Variants in CRABP2 observed in about 807,000 individuals in gnomAD.
CRABP2 encodes the protein cellular retinoic acid-binding protein 2.
A neutral mutation model predicts 17.9 loss-of-function variants in CRABP2; 20 were observed. The ratio of observed to expected loss-of-function variants is 1.12; its 90% CI spans 0.79 to 1.63. CRABP2 has a LOEUF of 1.63. Ranked by LOEUF, CRABP2 falls within the 40% of genes most tolerant of loss-of-function variation. The pLI is 0.00. For synonymous variants in CRABP2, 76 were observed against 66.4 expected (o/e 1.14, Z -0.70); for missense variants, 151 against 168.6 (o/e 0.90, Z 0.58).
intron 1 of CRABP2, among the ~76,000 whole-genome samples, chr1:156,704,286 C>T (rs1418412871): frequency 6.6e-6 from 1 of 152,192 alleles, no homozygotes; most frequent in Non-Finnish European, 1.5e-5. Context: ...CTGCAGCATT[C>T]CAGACCTGTC....
chr1:156,700,144 T>G, intron 3 of CRABP2, 68 bp from the exon 4 acceptor site: 1 of 1,512,934 alleles, frequency 6.6e-7, no homozygotes, highest in Non-Finnish European at 9.1e-7. Flanking sequence ...AGAGGAGGGT[T>G]GAATGGAGGT....
In CRABP2 at chr1:156,705,406, T is replaced by G; in HGVS notation, c.41A>C (p.Glu14Ala). The G allele has an allele frequency of 6.2e-7, 1 of 1,614,158 alleles. No homozygotes were observed. Among genetic ancestry groups the G allele is most frequent in the Non-Finnish European group, 8.5e-7 (1 of 1,180,018 alleles). Residue 14 changes from glutamate to alanine, a missense_variant, in exon 1 of 4, where the codon GAA (glutamate) becomes GCA (alanine). By Grantham distance (107) the Glu-to-Ala change is moderately radical. Transcript: ENST00000368222. This position sits in a 1 kb window ranked among gnomAD's most constrained non-coding sequence, Gnocchi z 5.2. ...FSGNWKIIRS[E>A]NFEELLKVLG... Reference sequence around the variant, plus strand: ...CACTTTGAGCAATTCCTCGAAGTTTTCCGATCGGATGATTTTCCAGTTGCC... The same window carrying G: ...CACTTTGAGCAATTCCTCGAAGTTTGCCGATCGGATGATTTTCCAGTTGCC...
Position 156,701,050 on chromosome 1 carries a change from C to T in CRABP2, c.73G>A (p.Val25Met), listed in dbSNP as rs1284224177. ...NFEELLKVLG[V>M]NVMLRKIAVA... ...GCAATCTTCCTCAGCATCACATTCA[C>T]CCCTGTGGGGAGAGAGGAGAGGCTC... Residue 25 changes from valine (V) to methionine (M), a missense_variant and splice_region_variant, in exon 2 of 4, where the codon GTG (valine) becomes ATG (methionine). By Grantham distance (21) the Val-to-Met change is conservative. Transcript: ENST00000368222. The T allele has an allele frequency of 1.2e-6, 2 of 1,613,948 alleles. No individual in the cohort carries two copies. Among genetic ancestry groups the T allele is most frequent in the African/African-American group, 1.3e-5 (1 of 75,050 alleles).
At chr1:156,704,772 G>C (rs1271563041) in intron 1 of CRABP2, among the ~76,000 whole-genome samples, 1 of 151,718 alleles carries the variant, frequency 6.6e-6, no homozygotes, top group Non-Finnish European at 1.5e-5. Context: ...GCTGCTCGCT[G>C]TATGAAAATA....
rs200159911 is a variant in CRABP2, at chr1:156,705,341, C to T, written c.70+36G>A. ...CCAACTTCGAGGACTCCAGAGCCCCCCCTTGCCCCACCTGGGCCCTCGAAC... is the reference window on the plus strand; with the variant it reads ...CCAACTTCGAGGACTCCAGAGCCCCTCCTTGCCCCACCTGGGCCCTCGAAC... On this transcript the variant is annotated intron_variant, in intron 1 of 3. Coordinates refer to ENST00000368222, the MANE Select transcript of CRABP2 (RefSeq NM_001878.4). This position sits in a 1 kb window ranked among gnomAD's most constrained non-coding sequence, Gnocchi z 5.2. 15 of 1,610,944 alleles carry T rather than the reference C, an allele frequency of 9.3e-6. No homozygotes were observed. The highest frequency in any genetic ancestry group is 1.3e-5 in the Non-Finnish European group (15 of 1,177,146).
In CRABP2 at chr1:156,705,257, G is replaced by C. The variant is rs890637218; in HGVS notation, c.70+120C>G. On this transcript the variant is annotated intron_variant, in intron 1 of 3. Coordinates refer to ENST00000368222, the MANE Select transcript of CRABP2 (RefSeq NM_001878.4). The surrounding 1 kb of genome is among the most constrained non-coding windows in gnomAD (Gnocchi z 5.2). The stretch of plus-strand genomic sequence containing the variant: ...GACCCGGACGCCTGGCACGTTTTTC[G>C]GGGATGCAGGCACCCAGTGTCTCAC... The C allele has an allele frequency of 2.7e-5, 30 of 1,107,124 alleles. No individual in the cohort carries two copies. Among genetic ancestry groups the C allele is most frequent in the Non-Finnish European group, 4.1e-5 (30 of 736,720 alleles). 68.6% of individuals were successfully genotyped at this position (1,107,124 alleles called of 1,614,324 possible). A position where few individuals can be genotyped will look rare whatever the true frequency, so the allele number is the denominator to read the frequency against.
chr1:156,703,789 G>A (rs1648109218), intron 1 of CRABP2, among the ~76,000 whole-genome samples: 1 of 152,228 alleles, frequency 6.6e-6, no homozygotes, highest in African/African-American at 2.4e-5. Context: ...TAAGAGGGGT[G>A]TGCCAGGACC....
upstream of CRABP2, chr1:156,705,628 C>T: frequency 5.1e-6 from 3 of 587,020 alleles, no homozygotes; most frequent in Non-Finnish European, 5.9e-6. The surrounding 1 kb of genome is among the most constrained non-coding windows in gnomAD (Gnocchi z 5.2). Flanking sequence ...TGTACGGAAC[C>T]GCCCCTGCCC....
Position 156,701,062 on chromosome 1 carries a change from G to T in CRABP2, c.71-10C>A. The T allele has an allele frequency of 6.2e-7, 1 of 1,613,240 alleles. No homozygotes were observed. Among genetic ancestry groups the T allele is most frequent in the Non-Finnish European group, 8.5e-7 (1 of 1,179,520 alleles). ...AGCATCACATTCACCCCTGTGGGGA[G>T]AGAGGAGAGGCTCACCTTTTAGGGG... On this transcript the variant is annotated splice_polypyrimidine_tract_variant and intron_variant, in intron 1 of 3. Transcript: ENST00000368222.
chr1:156,705,337 C>A lies in CRABP2; in HGVS notation c.70+40G>T. The A allele has an allele frequency of 6.2e-7, 1 of 1,601,934 alleles. No homozygotes were observed. The highest frequency in any genetic ancestry group is 8.6e-7 in the Non-Finnish European group (1 of 1,169,012). On this transcript the variant is annotated intron_variant, in intron 1 of 3. Transcript: ENST00000368222. This position sits in a 1 kb window ranked among gnomAD's most constrained non-coding sequence, Gnocchi z 5.2. ...ATCCCCAACTTCGAGGACTCCAGAG[C>A]CCCCCCTTGCCCCACCTGGGCCCTC...
Position 156,701,066 on chromosome 1 carries a change from G to A in CRABP2, c.71-14C>T, listed in dbSNP as rs766132098. 34 of 1,612,762 alleles carry A rather than the reference G, an allele frequency of 2.1e-5. No homozygotes were observed. The highest frequency in any genetic ancestry group is 2.9e-5 in the Non-Finnish European group (34 of 1,179,356). ...TCACATTCACCCCTGTGGGGAGAGAGGAGAGGCTCACCTTTTAGGGGCCTT... is the reference window on the plus strand; with the variant it reads ...TCACATTCACCCCTGTGGGGAGAGAAGAGAGGCTCACCTTTTAGGGGCCTT... On this transcript the variant is annotated splice_polypyrimidine_tract_variant and intron_variant, in intron 1 of 3. Coordinates refer to ENST00000368222, the MANE Select transcript of CRABP2 (RefSeq NM_001878.4).
At chr1:156,702,016 A>G (rs957960797) in intron 1 of CRABP2, among the ~76,000 whole-genome samples, 1 of 150,802 alleles carries the variant, frequency 6.6e-6, no homozygotes, top group African/African-American at 2.4e-5. Flanking sequence ...AGTTGCTCAC[A>G]CCTGTAATCC....
Position 156,699,738 on chromosome 1 carries a change from C to A in CRABP2, c.*288G>T. On this transcript the variant is annotated 3_prime_UTR_variant, in exon 4 of 4. Coordinates refer to ENST00000368222, the MANE Select transcript of CRABP2 (RefSeq NM_001878.4). Reference sequence around the variant, plus strand: ...GCCCTCAAGTCCCCTTTAGAGAGACCCTGCTCTGGGCTGGTTTGGGGCTAG... The same window carrying A: ...GCCCTCAAGTCCCCTTTAGAGAGACACTGCTCTGGGCTGGTTTGGGGCTAG... 1 of 448,540 alleles carries A rather than the reference C, an allele frequency of 2.2e-6. No individual in the cohort carries two copies. The highest frequency in any genetic ancestry group is 3.4e-5 in the South Asian group (1 of 29,630). The allele number at this position is 448,540 out of a possible 1,614,324, so 27.8% of individuals were successfully genotyped here.
chr1:156,703,145 A>C (rs1648089855), intron 1 of CRABP2, among the ~76,000 whole-genome samples: 1 of 151,974 alleles, frequency 6.6e-6, no homozygotes, highest in Admixed American at 6.6e-5. Flanking sequence ...TGTCCCCTCA[A>C]GGGAACCCCC....
rs1288607902 is a variant in CRABP2 at position 156,700,628 on chromosome 1, T to C, written c.280A>G (p.Met94Val). 6.2e-7 allele frequency: 1 copy of C among 1,614,134 alleles called. No individual in the cohort carries two copies. Among genetic ancestry groups the C allele is most frequent in the South Asian group, 1.1e-5 (1 of 91,078 alleles). Residue 94 changes from methionine to valine, a missense_variant, in exon 3 of 4, where the codon ATG (methionine) becomes GTG (valine). Physicochemically the swap from Met to Val is conservative, Grantham distance 21 (BLOSUM62 1). Transcript: ENST00000368222. ...SLVKWESENK[M>V]VCEQKLLKGE... ...TTCAGGAGCTTCTGCTCACAGACCA[T>C]TTTATTCTCACTCTCCCATTTCACC...
intron 1 of CRABP2, among the ~76,000 whole-genome samples, chr1:156,704,368 C>G (rs1648131214): frequency 6.6e-6 from 1 of 152,142 alleles, no homozygotes; most frequent in African/African-American, 2.4e-5. Flanking sequence ...CCCAACCCAG[C>G]CGAACTACCG....
chr1:156,701,555 G>A (rs1648033849), intron 1 of CRABP2, among the ~76,000 whole-genome samples: 1 of 152,162 alleles, frequency 6.6e-6, no homozygotes, highest in South Asian at 2.1e-4. Flanking sequence ...CATGTCCTGG[G>A]AAGTAGGAGC....
At chr1:156,700,109 G>A (rs114447348) in intron 3 of CRABP2, 33 bp from the exon 4 acceptor site, 20,768 of 1,608,162 alleles carry the variant, frequency 0.013, 203 homozygotes, top group Middle Eastern at 0.037. Flanking sequence ...TAGCCTGAGA[G>A]GCCCCTGGGG....
chr1:156,700,114 C>T, intron 3 of CRABP2, 38 bp from the exon 4 acceptor site: 1 of 1,605,284 alleles, frequency 6.2e-7, no homozygotes, highest in Non-Finnish European at 8.5e-7. Flanking sequence ...TGAGAGGCCC[C>T]TGGGGTCCTG....
Sources: allele counts gnomAD v4.1 joint callset (sites outside exome capture counted in the v4.1 genomes callset), GRCh38; gene constraint gnomAD v4.1.1; non-coding constraint Gnocchi (gnomAD v3.1); transcripts MANE v1.5; gene names NCBI Gene and HGNC (gene_info 2026-07-23, HGNC 2026-07-21).